Variants in PLPP4 observed in about 807,000 individuals in gnomAD.
The protein encoded by PLPP4 is phospholipid phosphatase 4.
PLPP4 carries 20 observed loss-of-function variants against 32.2 expected under a neutral mutation model. The observed-to-expected ratio is 0.62, with a 90% confidence interval of 0.44 to 0.90. PLPP4 has a LOEUF of 0.90. Ranked by LOEUF, PLPP4 falls within the 40% of genes least tolerant of loss-of-function variation. The pLI is 0.00. For missense variants in PLPP4, 257 were observed against 353.1 expected, an observed-to-expected ratio of 0.73 and a Z score of 2.18; for synonymous variants, 127 against 133.0, an observed-to-expected ratio of 0.95 and a Z score of 0.31.
chr10:120,526,073 C>G (rs1051552684), intron 5 of PLPP4, among the ~76,000 whole-genome samples: 1 of 152,008 alleles, frequency 6.6e-6, no homozygotes, highest in African/African-American at 2.4e-5. Context: ...TACTGTCTAG[C>G]TCTTTGTCTT....
intron 1 of PLPP4, among the ~76,000 whole-genome samples, chr10:120,502,685 A>G (rs1251152799): frequency 1.3e-5 from 2 of 152,156 alleles, no homozygotes; most frequent in Non-Finnish European, 1.5e-5. Context: ...TGGGATAGAA[A>G]GCGGGGCTGT....
chr10:120,507,344 TTCATCATCATCATCATTATCATCA>T (rs1408434079), intron 2 of PLPP4, among the ~76,000 whole-genome samples: 1 of 94,078 alleles, frequency 1.1e-5, no homozygotes, highest in South Asian at 6.5e-4. Flanking sequence ...AGGGAAGTTC[TTCATCATCATCATCATTATCATCA>T]TCATCATCAT....
intron 5 of PLPP4, among the ~76,000 whole-genome samples, chr10:120,523,816 T>C (rs1486198262): frequency 1.3e-5 from 2 of 152,200 alleles, no homozygotes; most frequent in Non-Finnish European, 2.9e-5. Context: ...TAGGGGACTG[T>C]AGCACAATTT....
At chr10:120,489,750 A>C (rs1238591920) in intron 1 of PLPP4, among the ~76,000 whole-genome samples, 1 of 152,230 alleles carries the variant, frequency 6.6e-6, no homozygotes, top group African/African-American at 2.4e-5. Context: ...TTTAAAAAAA[A>C]AAATTTTAAC....
chr10:120,505,869 G>C (rs1039772332), intron 2 of PLPP4, among the ~76,000 whole-genome samples: 6 of 152,120 alleles, frequency 3.9e-5, no homozygotes, highest in African/African-American at 1.4e-4. Flanking sequence ...ATAGGGAGAA[G>C]CTTCTATTTA....
chr10:120,585,140 T>A (rs1794528929), intron 6 of PLPP4, among the ~76,000 whole-genome samples: 1 of 152,230 alleles, frequency 6.6e-6, no homozygotes, highest in Admixed American at 6.5e-5. Context: ...GACTGTTTCC[T>A]GGGGTTAGAG....
intron 5 of PLPP4, among the ~76,000 whole-genome samples, chr10:120,565,225 C>T (rs1848629072): frequency 1.3e-5 from 2 of 152,162 alleles, no homozygotes; most frequent in African/African-American, 4.8e-5. Context: ...ACAGATATGC[C>T]AGTATCTTTG....
At chr10:120,518,257 G>T (rs952104883) in intron 3 of PLPP4, among the ~76,000 whole-genome samples, 3 of 152,248 alleles carry the variant, frequency 2.0e-5, no homozygotes, top group Admixed American at 6.5e-5. Flanking sequence ...AAAAAGCACC[G>T]CCCGGGCAGA....
At chr10:120,586,464 T>G (rs1292507949) in intron 6 of PLPP4, among the ~76,000 whole-genome samples, 1 of 152,122 alleles carries the variant, frequency 6.6e-6, no homozygotes, top group Non-Finnish European at 1.5e-5. Flanking sequence ...CCAAATAATC[T>G]CAATGTGTGG....
In PLPP4 at chr10:120,554,259, C is replaced by T. The variant is rs187623265; in HGVS notation, c.446-20872C>T. Among the ~76,000 whole-genome samples the T allele has an allele frequency of 2.6e-5, 4 of 152,306 alleles. No homozygotes were observed. The East Asian group carries it at 7.7e-4, about 29-fold the overall frequency. Reference sequence around the variant, plus strand: ...TCCGCAGATCCCTAGAGCAGGGGCACAAGTCTGCCAGTCTCTTTGCTAAAG... The same window carrying T: ...TCCGCAGATCCCTAGAGCAGGGGCATAAGTCTGCCAGTCTCTTTGCTAAAG... On this transcript the variant is annotated intron_variant, in intron 5 of 6. Transcript: ENST00000398250.
chr10:120,514,305 A>G (rs866647213), intron 3 of PLPP4, among the ~76,000 whole-genome samples: 34 of 152,334 alleles, frequency 2.2e-4, no homozygotes, highest in African/African-American at 8.2e-4. Context: ...GCAGTAAGGC[A>G]AAGTAAATCT....
chr10:120,528,168 G>C (rs1564817738), intron 5 of PLPP4, among the ~76,000 whole-genome samples: 1 of 138,102 alleles, frequency 7.2e-6, no homozygotes, highest in Non-Finnish European at 1.5e-5. Flanking sequence ...TCCGCCTGCC[G>C]GGTTCACGCC....
intron 1 of PLPP4, among the ~76,000 whole-genome samples, chr10:120,477,433 C>T (rs78619708): frequency 0.044 from 6,626 of 151,128 alleles, 211 homozygotes; most frequent in South Asian, 0.11. Context: ...GTGTTCCCAT[C>T]GTCAGTTTTT....
intron 1 of PLPP4, among the ~76,000 whole-genome samples, chr10:120,501,141 G>C (rs1385841596): frequency 6.6e-6 from 1 of 152,190 alleles, no homozygotes; most frequent in Non-Finnish European, 1.5e-5. Context: ...CTACCTAGGC[G>C]ATGAGCCCCT....
At chr10:120,506,654 A>T (rs541446873) in intron 2 of PLPP4, among the ~76,000 whole-genome samples, 1 of 152,342 alleles carries the variant, frequency 6.6e-6, no homozygotes, top group East Asian at 1.9e-4. Context: ...ATGCTTCTAG[A>T]GTCATCTGTG....
At chr10:120,580,541 G>T (rs1466721944) in intron 6 of PLPP4, among the ~76,000 whole-genome samples, 1 of 151,822 alleles carries the variant, frequency 6.6e-6, no homozygotes, top group African/African-American at 2.4e-5. Flanking sequence ...AACAGGGAGG[G>T]GTGTAAATCC....
chr10:120,556,976 G>A (rs1848192324), intron 5 of PLPP4, among the ~76,000 whole-genome samples: 1 of 152,144 alleles, frequency 6.6e-6, no homozygotes, highest in African/African-American at 2.4e-5. Flanking sequence ...GATGATTCAT[G>A]CGGCTGTTTT....
chr10:120,496,644 G>A (rs1246887317), intron 1 of PLPP4, among the ~76,000 whole-genome samples: 1 of 152,176 alleles, frequency 6.6e-6, no homozygotes, highest in Non-Finnish European at 1.5e-5. Context: ...CTCCATAAGA[G>A]TTGGGACCAT....
chr10:120,554,308 A>G (rs906735334), intron 5 of PLPP4, among the ~76,000 whole-genome samples: 1 of 152,102 alleles, frequency 6.6e-6, no homozygotes, highest in Non-Finnish European at 1.5e-5. Flanking sequence ...CCTTTATTCT[A>G]ATTTTCAAAA....
Sources: gnomAD v4.1 joint callset for allele counts (sites outside exome capture counted in the v4.1 genomes callset) on GRCh38, gnomAD v4.1.1 for gene constraint, MANE v1.5 for transcripts, NCBI Gene and HGNC (gene_info 2026-07-23, HGNC 2026-07-21) for gene names.